Variants in RARS1 observed in about 807,000 individuals in gnomAD.
The protein encoded by RARS1 is arginine--tRNA ligase, cytoplasmic.
Under a neutral mutation model 78.7 loss-of-function variants are expected in RARS1, and 75 were observed. The ratio of observed to expected loss-of-function variants is 0.95; its 90% confidence interval spans 0.79 to 1.15. The LOEUF is 1.15. RARS1 is among the 50% of genes most tolerant of loss of function. RARS1 has a pLI of 0.00. For synonymous variants in RARS1, 273 were observed against 268.2 expected (o/e 1.02, Z -0.18); for missense variants, 787 against 787.5 (o/e 1.00, Z 0.01).
intron 5 of RARS1, 197 bp downstream of exon 5, chr5:168,494,847 G>T (rs1434862975): frequency 2.1e-6 from 1 of 473,170 alleles, no homozygotes; most frequent in Admixed American, 3.8e-5. Context: ...AGTATCATGA[G>T]ACTTCATCTC....
intron 11 of RARS1, among the ~76,000 whole-genome samples, chr5:168,509,403 A>T (rs1046322194): frequency 1.3e-5 from 2 of 148,292 alleles, no homozygotes; most frequent in Non-Finnish European, 3.0e-5. Context: ...TTAGAAAAGC[A>T]TGCTTCATTG....
chr5:168,488,506 A>C, intron 1 of RARS1, 96 bp from the exon 2 acceptor site: 45 of 1,209,066 alleles, frequency 3.7e-5, no homozygotes, highest in Non-Finnish European at 4.7e-5. Flanking sequence ...ATCAAAGGGA[A>C]CATTAATGAT....
intron 12 of RARS1, among the ~76,000 whole-genome samples, chr5:168,513,200 C>T (rs1758599550): frequency 6.6e-6 from 1 of 150,690 alleles, no homozygotes; most frequent in African/African-American, 2.4e-5. Flanking sequence ...CACCCACCAT[C>T]ACGCCCTGCT....
chr5:168,515,760 C>T (rs376989690), intron 12 of RARS1, among the ~76,000 whole-genome samples: 170 of 152,318 alleles, frequency 1.1e-3, no homozygotes, highest in East Asian at 6.4e-3. Context: ...TCCATTTTGC[C>T]GCTGCAGAAC....
intron 12 of RARS1, among the ~76,000 whole-genome samples, chr5:168,511,848 C>G (rs1273981748): frequency 6.6e-6 from 1 of 151,940 alleles, no homozygotes; most frequent in Non-Finnish European, 1.5e-5. Flanking sequence ...CCATGTGCAT[C>G]AGTAGTTCAT....
chr5:168,509,638 GT>G (rs1343948902), intron 11 of RARS1, among the ~76,000 whole-genome samples: 75 of 149,310 alleles, frequency 5.0e-4, no homozygotes, highest in African/African-American at 1.8e-3. Context: ...GCATCCTGAG[GT>G]TTTTTTCTCT....
chr5:168,493,840 C>T (rs980517938), intron 3 of RARS1, 54 bp from the exon 4 acceptor site: 20 of 1,424,620 alleles, frequency 1.4e-5, no homozygotes, highest in Admixed American at 9.0e-5. Context: ...TGTGCATTTG[C>T]GAGTAACTTG....
intron 10 of RARS1, 54 bp from the exon 11 acceptor site, chr5:168,506,668 C>CTTTT: frequency 4.4e-6 from 5 of 1,129,524 alleles, no homozygotes; most frequent in African/African-American, 1.6e-5. Context: ...AGCCTTAAGT[C>CTTTT]TTTTTTTTTT....
intron 13 of RARS1, 85 bp downstream of exon 13, chr5:168,517,035 A>C: frequency 1.2e-5 from 15 of 1,277,384 alleles, no homozygotes; most frequent in Non-Finnish European, 1.5e-5. Context: ...TTTTTTTTTG[A>C]AATGAGACGG....
At position 168,500,769 on chromosome 5, in the gene RARS1, A is replaced by T. The variant is rs765061219; in HGVS notation, c.952+49A>T. On this transcript the variant is annotated intron_variant, in intron 8 of 14. Coordinates refer to ENST00000231572, the MANE Select transcript of RARS1 (RefSeq NM_002887.4). The stretch of plus-strand genomic sequence containing the variant: ...TCGTCCAGCAAATACTATGTATATC[A>T]TTTCCTGGAGTCTTCATTTTGATTT... 8 of 1,576,504 alleles carry T rather than the reference A, an allele frequency of 5.1e-6. No individual in the cohort carries two copies. The Admixed American group carries it at 7.5e-5, about 15-fold the overall frequency.
chr5:168,506,017 C>G lies in RARS1; in HGVS notation c.1058-4C>G. The G allele has an allele frequency of 6.3e-7, 1 of 1,592,678 alleles. No homozygotes were observed. The highest frequency in any genetic ancestry group is 8.5e-7 in the Non-Finnish European group (1 of 1,172,578). On this transcript the variant is annotated splice_polypyrimidine_tract_variant and splice_region_variant and intron_variant, in intron 9 of 14. Transcript: ENST00000231572. ...TTATTAATGAAGTGTTTTTTACCCC[C>G]TAGGATTTGTGCAGGTGGATGATGG...
intron 6 of RARS1, among the ~76,000 whole-genome samples, chr5:168,496,505 CAG>C (rs1758191302): frequency 6.6e-6 from 1 of 150,884 alleles, no homozygotes; most frequent in Non-Finnish European, 1.5e-5. Context: ...TTTTTGGAGA[CAG>C]AGTCTTGCTC....
At position 168,486,616 on chromosome 5, in the gene RARS1, CG is replaced by C; in HGVS notation, c.45+78del. 8 of 1,499,410 alleles carry C rather than the reference CG, an allele frequency of 5.3e-6. No homozygotes were observed. In the South Asian group the frequency reaches 7.2e-5, roughly 14 times the overall value. 92.9% of individuals were successfully genotyped at this position (1,499,410 alleles called of 1,614,324 possible). ...GCTCTGACTCCTGCCCAAGCGGCTT[CG>C]GGGGCGGGACAGCTAGGCGAGGACC... On this transcript the variant is annotated intron_variant, in intron 1 of 14. Transcript: ENST00000231572.
Position 168,500,632 on chromosome 5 carries a change from G to A in RARS1, c.864G>A (p.Lys288=). 6.2e-7 allele frequency: 1 copy of A among 1,601,024 alleles called. No homozygotes were observed. Among genetic ancestry groups the A allele is most frequent in the Non-Finnish European group, 8.5e-7 (1 of 1,175,756 alleles). Residue 288 remains lysine (K), a synonymous_variant, in exon 8 of 15, where the codon AAG becomes AAA. Coordinates refer to ENST00000231572, the MANE Select transcript of RARS1 (RefSeq NM_002887.4). ...TTGATACTGAGGAGGAATTTAAGAA[G>A]CGAGCATATCAGTGTGTAGTTCTGC... ...KRFDTEEEFK[K]RAYQCVVLLQ...
At chr5:168,499,340 A>G (rs866978216) in intron 7 of RARS1, among the ~76,000 whole-genome samples, 6 of 152,108 alleles carry the variant, frequency 3.9e-5, no homozygotes, top group Admixed American at 1.3e-4. Flanking sequence ...AAAATTCCCT[A>G]TGGTGGAAGG....
chr5:168,518,071 C>CTGTTTTTT lies in RARS1; in HGVS notation c.1873+10_1873+11insGTTTTTTT. The CTGTTTTTT allele has an allele frequency of 1.3e-6, 1 of 747,560 alleles. No homozygotes were observed. The highest frequency in any genetic ancestry group is 1.6e-6 in the Non-Finnish European group (1 of 622,936). 46.3% of individuals were successfully genotyped at this position (747,560 alleles called of 1,614,324 possible). A position where few individuals can be genotyped will look rare whatever the true frequency, so the allele number is the denominator to read the frequency against. ...GAAAGATAGACAGACTGGTGAGTGT[C>CTGTTTTTT]TTTTTTTTTTTTTTTTTTTTTTTTA... On this transcript the variant is annotated intron_variant, in intron 14 of 14. Transcript: ENST00000231572.
chr5:168,501,598 C>T (rs1758324348), intron 8 of RARS1, among the ~76,000 whole-genome samples: 3 of 152,158 alleles, frequency 2.0e-5, no homozygotes, highest in Admixed American at 6.5e-5. Flanking sequence ...TGGCACACGC[C>T]TGTAGTCCCA....
chr5:168,488,089 T>C (rs1758005192), intron 1 of RARS1: 2 of 291,002 alleles, frequency 6.9e-6, no homozygotes, highest in African/African-American at 2.3e-5. Context: ...CCGATTCCTG[T>C]CTCCCAAAAC....
chr5:168,504,968 G>T (rs1157694575), intron 9 of RARS1, among the ~76,000 whole-genome samples: 1 of 152,170 alleles, frequency 6.6e-6, no homozygotes, highest in Non-Finnish European at 1.5e-5. Flanking sequence ...AGAAAGACCT[G>T]GATGACAGAG....
Sources: allele counts gnomAD v4.1 joint callset (sites outside exome capture counted in the v4.1 genomes callset), GRCh38; gene constraint gnomAD v4.1.1; transcripts MANE v1.5; gene names NCBI Gene and HGNC (gene_info 2026-07-23, HGNC 2026-07-21).